FILIP1L: variants seen among roughly 807,000 people sequenced by gnomAD.
The protein encoded by FILIP1L is filamin A interacting protein 1 like.
FILIP1L carries 55 observed loss-of-function variants against 96.6 expected under a neutral mutation model. The ratio of observed to expected loss-of-function variants is 0.57; its 90% CI spans 0.46 to 0.71. The LOEUF (loss-of-function observed/expected upper bound fraction) is 0.71, where lower values mean the gene tolerates loss of function less well. Ranked by LOEUF, FILIP1L falls within the 30% of genes least tolerant of loss-of-function variation. The pLI, the probability that FILIP1L is intolerant of heterozygous loss-of-function variation, is 0.00. For synonymous variants in FILIP1L, 467 were observed against 473.9 expected (o/e 0.99, Z 0.19); for missense variants, 1,304 against 1,321.2 (o/e 0.99, Z 0.20).
chr3:100,109,133 C>T (rs1317843807), intron 1 of FILIP1L, among the ~76,000 whole-genome samples: 1 of 150,594 alleles, frequency 6.6e-6, no homozygotes, highest in Non-Finnish European at 1.5e-5. Flanking sequence ...TTTCTCAGGC[C>T]TCAATTCTTC....
chr3:100,066,278 T>C (rs1473844624), intron 1 of FILIP1L, among the ~76,000 whole-genome samples: 1 of 152,184 alleles, frequency 6.6e-6, no homozygotes, highest in East Asian at 1.9e-4. Context: ...TTAATGAGAG[T>C]CAATCACTCA....
chr3:99,840,027 A>C (rs1395162929), intron 5 of FILIP1L, among the ~76,000 whole-genome samples: 1 of 152,060 alleles, frequency 6.6e-6, no homozygotes, highest in Non-Finnish European at 1.5e-5. Context: ...TATTATTGTC[A>C]CAGTTGGGGG....
chr3:99,999,063 A>T (rs774712905), intron 1 of FILIP1L, among the ~76,000 whole-genome samples: 1 of 152,162 alleles, frequency 6.6e-6, no homozygotes, highest in South Asian at 2.1e-4. Flanking sequence ...CACTTGTACT[A>T]TGTACCTATA....
intron 1 of FILIP1L, among the ~76,000 whole-genome samples, chr3:100,076,484 A>G (rs2065852624): frequency 6.6e-6 from 1 of 152,082 alleles, no homozygotes; most frequent in Middle Eastern, 3.2e-3. Flanking sequence ...ATGCTTTGCT[A>G]TTTCTGTTAT....
At chr3:99,988,402 A>G (rs9834484) in intron 1 of FILIP1L, among the ~76,000 whole-genome samples, 116,453 of 145,964 alleles carry the variant, frequency 0.8, 46,685 homozygotes, top group African/African-American at 0.87. Context: ...AGTCCCAGCT[A>G]CTCAGAGGCT....
At chr3:99,836,888 G>C (rs1338587149) in intron 5 of FILIP1L, among the ~76,000 whole-genome samples, 5 of 152,174 alleles carry the variant, frequency 3.3e-5, no homozygotes, top group Non-Finnish European at 5.9e-5. Context: ...TCGCAGAAAG[G>C]TTTGCCACTT....
At chr3:100,040,631 G>A (rs2065189752) in intron 1 of FILIP1L, 1 of 152,200 alleles carries the variant, frequency 6.6e-6, no homozygotes, top group Admixed American at 6.5e-5. Context: ...CTTTAGGACG[G>A]TCTTGGTTGA....
At chr3:100,004,300 G>T (rs1389573029) in intron 1 of FILIP1L, among the ~76,000 whole-genome samples, 2 of 152,098 alleles carry the variant, frequency 1.3e-5, no homozygotes, top group Non-Finnish European at 2.9e-5. Flanking sequence ...AACTGTCTTG[G>T]GCTCAAGAAC....
chr3:99,919,940 T>C (rs1707072110), intron 4 of FILIP1L, among the ~76,000 whole-genome samples: 1 of 152,188 alleles, frequency 6.6e-6, no homozygotes, highest in Non-Finnish European at 1.5e-5. Context: ...TAGTCAAACT[T>C]GGACAGAAAA....
chr3:99,982,497 C>G (rs374810070), intron 1 of FILIP1L, among the ~76,000 whole-genome samples: 2 of 152,054 alleles, frequency 1.3e-5, no homozygotes, highest in South Asian at 4.1e-4. Flanking sequence ...CATGCCACCA[C>G]GCCCAGCTAA....
intron 1 of FILIP1L, among the ~76,000 whole-genome samples, chr3:99,997,549 C>T (rs930719941): frequency 1.3e-5 from 2 of 152,056 alleles, no homozygotes; most frequent in African/African-American, 4.8e-5. Context: ...TTCAATTTTG[C>T]CAGAGCCTGA....
intron 4 of FILIP1L, among the ~76,000 whole-genome samples, chr3:99,881,222 T>C (rs556411267): frequency 6.6e-6 from 1 of 152,318 alleles, no homozygotes; most frequent in Admixed American, 6.5e-5. Flanking sequence ...GAAGAATTGG[T>C]AATGTGACGC....
At chr3:100,022,008 C>A (rs2064834918) in intron 1 of FILIP1L, among the ~76,000 whole-genome samples, 1 of 147,162 alleles carries the variant, frequency 6.8e-6, no homozygotes, top group Non-Finnish European at 1.5e-5. Context: ...GAGGGGGGCA[C>A]CAAGACAGAC....
intron 1 of FILIP1L, chr3:100,040,371 C>G (rs560827291): frequency 3.3e-5 from 5 of 151,868 alleles, no homozygotes; most frequent in Admixed American, 3.3e-4. Flanking sequence ...AAGTTCTCTC[C>G]CCGAGAATCA....
intron 4 of FILIP1L, among the ~76,000 whole-genome samples, chr3:99,916,977 TATG>T (rs1385007926): frequency 1.3e-5 from 2 of 152,224 alleles, no homozygotes; most frequent in Non-Finnish European, 2.9e-5. Flanking sequence ...GATTTTCACT[TATG>T]AGGCAAAAAT....
At chr3:99,934,631 T>C (rs891392115) in intron 1 of FILIP1L, among the ~76,000 whole-genome samples, 21 of 152,238 alleles carry the variant, frequency 1.4e-4, no homozygotes, top group African/African-American at 5.1e-4. Context: ...GGTAATTTGC[T>C]AAACATTGTT....
At chr3:99,872,068 T>A (rs998462877) in intron 4 of FILIP1L, among the ~76,000 whole-genome samples, 2 of 152,106 alleles carry the variant, frequency 1.3e-5, no homozygotes, top group Admixed American at 1.3e-4. Context: ...TCTCCTCTCT[T>A]CCTAGCACTA....
intron 4 of FILIP1L, among the ~76,000 whole-genome samples, chr3:99,887,448 C>T (rs750311999): frequency 6.6e-6 from 1 of 152,110 alleles, no homozygotes; most frequent in African/African-American, 2.4e-5. Context: ...CCTCTGCAGG[C>T]AATTGTGCAT....
rs980939347 is a variant in FILIP1L at position 100,091,360 on chromosome 3, CCTT to C, written c.-11+22690_-11+22692del. 2.5e-4 allele frequency among the ~76,000 whole-genome samples: 38 copies of C among 151,660 alleles called. 1 individual carries two copies. The highest frequency in any genetic ancestry group is 1.2e-3 in the Admixed American group (19 of 15,246). On this transcript the variant is annotated intron_variant, in intron 1 of 5. Coordinates refer to ENST00000477258, the MANE Select transcript of FILIP1L (RefSeq NM_001387850.1). ...ATGTATGTATGTGTATGTATGTTCA[CCTT>C]CTTCTTCCAAAACAAAATGTTTTAA... is the stretch of plus-strand genomic sequence containing the variant.
Sources: allele counts gnomAD v4.1 joint callset (sites outside exome capture counted in the v4.1 genomes callset), GRCh38; gene constraint gnomAD v4.1.1; transcripts MANE v1.5; gene names NCBI Gene and HGNC (gene_info 2026-07-23, HGNC 2026-07-21).